The following ACBD6 variants were observed in gnomAD, a reference collection of about 807,000 sequenced individuals.
ACBD6 encodes acyl-CoA-binding domain-containing protein 6.
ACBD6 carries 28 observed loss-of-function variants against 37.2 expected under a neutral mutation model. The ratio of observed to expected loss-of-function variants is 0.75; its 90% CI spans 0.56 to 1.03. ACBD6 has a LOEUF of 1.03. Among genes scored for constraint, ACBD6 ranks in the 50% least tolerant of loss-of-function variants. ACBD6 has a pLI of 0.00. For missense variants in ACBD6, 340 were observed against 337.4 expected, an observed-to-expected ratio of 1.01 and a Z score of -0.06; for synonymous variants, 113 against 126.8, an observed-to-expected ratio of 0.89 and a Z score of 0.73.
At chr1:180,498,303 T>C (rs1651813601) in intron 1 of ACBD6, among the ~76,000 whole-genome samples, 1 of 152,212 alleles carries the variant, frequency 6.6e-6, no homozygotes, top group Non-Finnish European at 1.5e-5. Flanking sequence ...TGAGTTGTTT[T>C]CCTTGAAGTG....
chr1:180,280,301 G>A (rs1280139986), intron 9 of ACBD6, among the ~76,000 whole-genome samples: 1 of 152,048 alleles, frequency 6.6e-6, no homozygotes, highest in East Asian at 1.9e-4. Flanking sequence ...ACCTTATTGT[G>A]TGTGTGGCAT....
chr1:180,297,518 G>A (rs1156262177), intron 7 of ACBD6, among the ~76,000 whole-genome samples: 1 of 152,110 alleles, frequency 6.6e-6, no homozygotes, highest in Non-Finnish European at 1.5e-5. Context: ...AAACATAGAG[G>A]CAGGCAAGAA....
intron 2 of ACBD6, among the ~76,000 whole-genome samples, chr1:180,492,684 C>T (rs541142988): frequency 2.0e-4 from 31 of 152,186 alleles, no homozygotes; most frequent in Non-Finnish European, 4.3e-4. Context: ...TTTATAATTT[C>T]CTCAAACAAA....
chr1:180,279,665 T>C (rs1157302225), intron 9 of ACBD6, among the ~76,000 whole-genome samples: 1 of 152,120 alleles, frequency 6.6e-6, no homozygotes, highest in Non-Finnish European at 1.5e-5. Context: ...TATATGCAAA[T>C]GTCTATATTT....
At chr1:180,388,740 C>A (rs1653949514) in intron 6 of ACBD6, among the ~76,000 whole-genome samples, 2 of 151,356 alleles carry the variant, frequency 1.3e-5, no homozygotes, top group Admixed American at 1.3e-4. Context: ...CATGCCTGGC[C>A]AAAAATTAAT....
rs373691265 is a variant in ACBD6 at position 180,495,417 on chromosome 1, A to C, written c.287+44T>G. The C allele has an allele frequency of 3.6e-6, 5 of 1,405,330 alleles. No homozygotes were observed. The African/African-American group carries it at 7.2e-5, about 20-fold the overall frequency. 87.1% of individuals were successfully genotyped at this position (1,405,330 alleles called of 1,614,324 possible). A position where few individuals can be genotyped will look rare whatever the true frequency, so the allele number is the denominator to read the frequency against. The stretch of plus-strand genomic sequence containing the variant: ...CTGCTTTCTAATTCCTAAACACCTA[A>C]GCCATTTCCAACAACCTCATTAAAG... On this transcript the variant is annotated intron_variant, in intron 2 of 7. Transcript: ENST00000367595.
Position 180,320,497 on chromosome 1 carries a change from C to T in ACBD6, c.664-5775G>A, listed in dbSNP as rs147539285. ...TTAAAAAATATAAAAAAATTAGCCA[C>T]GCACAGTGGCTCACACCTGTAATCC... On this transcript the variant is annotated intron_variant, in intron 6 of 7. Coordinates refer to ENST00000367595, the MANE Select transcript of ACBD6 (RefSeq NM_032360.4). Among the ~76,000 whole-genome samples the T allele has an allele frequency of 8.2e-4, 124 of 152,024 alleles. 1 individual carries two copies. The highest frequency in any genetic ancestry group is 3.4e-3 in the Middle Eastern group (1 of 294).
intron 4 of ACBD6, among the ~76,000 whole-genome samples, chr1:180,421,365 T>C (rs6657492): frequency 0.83 from 125,955 of 152,214 alleles, 52,445 homozygotes; most frequent in Non-Finnish European, 0.88. Flanking sequence ...TTTATGGCTG[T>C]ATAGTATTCT....
At chr1:180,350,124 C>A (rs1295618541) in intron 6 of ACBD6, among the ~76,000 whole-genome samples, 2 of 150,060 alleles carry the variant, frequency 1.3e-5, no homozygotes, top group African/African-American at 4.9e-5. Flanking sequence ...CTCCTGGGCT[C>A]AAGCGATCTC....
chr1:180,328,240 T>C (rs551937120), intron 6 of ACBD6, among the ~76,000 whole-genome samples: 1 of 148,568 alleles, frequency 6.7e-6, no homozygotes, highest in Admixed American at 6.6e-5. Context: ...CACACATATA[T>C]GTATATATAC....
intron 6 of ACBD6, among the ~76,000 whole-genome samples, chr1:180,382,031 C>T (rs891109641): frequency 4.0e-5 from 6 of 151,182 alleles, no homozygotes; most frequent in African/African-American, 1.5e-4. Flanking sequence ...AGGAAAATAG[C>T]TTGAACCCAA....
chr1:180,422,744 A>G (rs1026413758), intron 4 of ACBD6, among the ~76,000 whole-genome samples: 2 of 152,208 alleles, frequency 1.3e-5, no homozygotes, highest in South Asian at 4.1e-4. Context: ...CAATGATAAA[A>G]TACTCAAAAA....
chr1:180,311,153 A>G (rs1181795352), intron 7 of ACBD6, among the ~76,000 whole-genome samples: 6 of 152,200 alleles, frequency 3.9e-5, no homozygotes, highest in African/African-American at 1.4e-4. Context: ...AACCCATTAT[A>G]AAAGATGAGA....
chr1:180,491,827 T>C (rs1437753045), intron 3 of ACBD6, among the ~76,000 whole-genome samples: 3 of 152,320 alleles, frequency 2.0e-5, no homozygotes, highest in African/African-American at 7.2e-5. Context: ...TTCATTTTTC[T>C]GAGATGGAGT....
intron 6 of ACBD6, among the ~76,000 whole-genome samples, chr1:180,387,143 G>A (rs1207515928): frequency 6.6e-6 from 1 of 152,156 alleles, no homozygotes; most frequent in African/African-American, 2.4e-5. Flanking sequence ...TTGCTTGTGT[G>A]CTACTTAGAG....
chr1:180,488,614 A>G (rs1331525366), intron 3 of ACBD6, among the ~76,000 whole-genome samples: 1 of 151,564 alleles, frequency 6.6e-6, no homozygotes, highest in Non-Finnish European at 1.5e-5. Flanking sequence ...TCACTCTGTC[A>G]CCCAGACTGG....
intron 4 of ACBD6, among the ~76,000 whole-genome samples, chr1:180,418,423 T>C (rs1248736877): frequency 6.6e-6 from 1 of 151,748 alleles, no homozygotes; most frequent in East Asian, 1.9e-4. Context: ...ACAAAAAAAA[T>C]TTCAAATTAG....
chr1:180,368,215 T>G lies in ACBD6; in HGVS notation c.663+29301A>C, dbSNP rs375086321. Reference sequence around the variant, plus strand: ...TTTGAAGTGTCTGTCCCTGTTTTTTTGTCCACTTTTTAATGGGGTTCTCTC... The same window carrying G: ...TTTGAAGTGTCTGTCCCTGTTTTTTGGTCCACTTTTTAATGGGGTTCTCTC... On this transcript the variant is annotated intron_variant, in intron 6 of 7. Transcript: ENST00000367595. Among the ~76,000 whole-genome samples, 17 of 152,318 alleles carry G rather than the reference T, an allele frequency of 1.1e-4. No individual in the cohort carries two copies. The East Asian group carries it at 1.7e-3, about 16-fold the overall frequency.
At chr1:180,380,068 C>A (rs1318458160) in intron 6 of ACBD6, among the ~76,000 whole-genome samples, 3 of 151,986 alleles carry the variant, frequency 2.0e-5, no homozygotes, top group Non-Finnish European at 4.4e-5. Flanking sequence ...CGAGACCAGC[C>A]CGGGCAATAT....
Sources: allele counts gnomAD v4.1 joint callset (sites outside exome capture counted in the v4.1 genomes callset), GRCh38; gene constraint gnomAD v4.1.1; transcripts MANE v1.5; gene names NCBI Gene and HGNC (gene_info 2026-07-23, HGNC 2026-07-21).